Variants in ROBO1 observed in about 807,000 individuals in gnomAD.
ROBO1 encodes roundabout homolog 1.
Under a neutral mutation model 195.9 loss-of-function variants are expected in ROBO1, and 149 were observed. The observed-to-expected ratio is 0.76, with a 90% CI of 0.67 to 0.87. ROBO1 has a LOEUF of 0.87. Among genes scored for constraint, ROBO1 ranks in the 40% least tolerant of loss-of-function variants. The pLI is 0.00. For missense variants in ROBO1, 1,933 were observed against 2,068.3 expected, an observed-to-expected ratio of 0.93 and a Z score of 1.27; for synonymous variants, 816 against 733.2, an observed-to-expected ratio of 1.11 and a Z score of -1.82.
chr3:78,652,024 T>C, intron 18 of ROBO1, 95 bp from the exon 19 acceptor site: 2 of 987,350 alleles, frequency 2.0e-6, no homozygotes, highest in South Asian at 1.6e-5. Context: ...AATTTCTGGA[T>C]AATGATTTCT....
At chr3:79,502,241 G>C (rs966546368) in intron 2 of ROBO1, among the ~76,000 whole-genome samples, 1 of 152,170 alleles carries the variant, frequency 6.6e-6, no homozygotes, top group Non-Finnish European at 1.5e-5. Context: ...CCCTCAGCTT[G>C]CGGGGAGGTG....
At chr3:79,569,873 A>G (rs376953216) in intron 2 of ROBO1, among the ~76,000 whole-genome samples, 3 of 151,980 alleles carry the variant, frequency 2.0e-5, no homozygotes, top group East Asian at 3.9e-4. Context: ...CAAAGGAGAG[A>G]CGATCCCTTG....
chr3:79,763,862 T>C (rs964668991), intron 1 of ROBO1, among the ~76,000 whole-genome samples: 9 of 152,208 alleles, frequency 5.9e-5, no homozygotes, highest in South Asian at 2.1e-4. Context: ...TAAAAAATTA[T>C]GAGTACTAAA....
At chr3:78,838,876 C>T (rs1393936182) in intron 4 of ROBO1, among the ~76,000 whole-genome samples, 1 of 152,124 alleles carries the variant, frequency 6.6e-6, no homozygotes, top group African/African-American at 2.4e-5. Flanking sequence ...TCCCACACTC[C>T]CCAACATGGA....
Position 79,660,546 on chromosome 3 carries a change from A to T in ROBO1, c.-50-70585T>A, listed in dbSNP as rs114806202. On this transcript the variant is annotated intron_variant, in intron 1 of 30. Coordinates refer to ENST00000464233, the MANE Select transcript of ROBO1 (RefSeq NM_002941.4). ...CAAAGAGGAAACAATTTCACTAGGA[A>T]CCCAACAACTGTCCCTTTACATTAT... Among the ~76,000 whole-genome samples the T allele has an allele frequency of 2.4e-3, 361 of 152,202 alleles. 1 individual carries two copies. The highest frequency in any genetic ancestry group is 8.5e-3 in the African/African-American group (355 of 41,550).
intron 2 of ROBO1, among the ~76,000 whole-genome samples, chr3:79,482,591 T>C (rs1432220535): frequency 6.6e-6 from 1 of 152,116 alleles, no homozygotes; most frequent in Non-Finnish European, 1.5e-5. Context: ...GATTACCCAG[T>C]CTCTGGTATG....
chr3:79,251,821 G>A (rs183334451), intron 2 of ROBO1, among the ~76,000 whole-genome samples: 14 of 151,894 alleles, frequency 9.2e-5, no homozygotes, highest in Non-Finnish European at 1.2e-4. Context: ...ATGGTGGCGC[G>A]CATCTGTAAT....
rs533755244 is a variant in ROBO1 at position 79,457,641 on chromosome 3, C to T, written c.88+132183G>A. Among the ~76,000 whole-genome samples the T allele has an allele frequency of 3.3e-5, 5 of 152,188 alleles. No individual in the cohort carries two copies. The South Asian group carries it at 1.0e-3, about 32-fold the overall frequency. On this transcript the variant is annotated intron_variant, in intron 2 of 30. Coordinates refer to ENST00000464233, the MANE Select transcript of ROBO1 (RefSeq NM_002941.4). ...AACTGAATCATGGGGGCAGGTATTT[C>T]CCATGCTGCTGTCATGATCTTGAAT...
chr3:79,624,487 A>G (rs567627214), intron 1 of ROBO1, among the ~76,000 whole-genome samples: 1 of 152,308 alleles, frequency 6.6e-6, no homozygotes, highest in African/African-American at 2.4e-5. Context: ...TAGGCTCAAA[A>G]TAAAGGGATA....
intron 16 of ROBO1, 122 bp downstream of exon 16, chr3:78,660,908 T>C (rs935276278): frequency 4.1e-6 from 3 of 725,910 alleles, no homozygotes; most frequent in African/African-American, 1.8e-5. Context: ...AAAATGTATG[T>C]TCAATATCAA....
chr3:78,665,752 T>C (rs1257864904), intron 14 of ROBO1, among the ~76,000 whole-genome samples: 1 of 151,950 alleles, frequency 6.6e-6, no homozygotes, highest in East Asian at 1.9e-4. Flanking sequence ...ATTTTATAGG[T>C]GAGGAAACTC....
chr3:79,717,751 T>G (rs1265838489), intron 1 of ROBO1, among the ~76,000 whole-genome samples: 2 of 152,050 alleles, frequency 1.3e-5, no homozygotes, highest in African/African-American at 4.8e-5. Context: ...AGTGCTATTC[T>G]GAAAAACTTT....
intron 8 of ROBO1, among the ~76,000 whole-genome samples, chr3:78,692,269 T>C (rs908091514): frequency 6.6e-6 from 1 of 152,254 alleles, no homozygotes; most frequent in East Asian, 1.9e-4. Flanking sequence ...AACTTTTTGT[T>C]TTTTTCTCTT....
At chr3:79,121,971 C>A (rs921438591) in intron 3 of ROBO1, among the ~76,000 whole-genome samples, 1 of 151,892 alleles carries the variant, frequency 6.6e-6, no homozygotes, top group Non-Finnish European at 1.5e-5. Context: ...TGACAGAAAT[C>A]TATACATAAA....
chr3:79,523,156 A>G (rs1941278683), intron 2 of ROBO1, among the ~76,000 whole-genome samples: 1 of 124,954 alleles, frequency 8.0e-6, no homozygotes, highest in Admixed American at 7.8e-5. Flanking sequence ...AAGAGGCTTC[A>G]TAAACCACAC....
intron 1 of ROBO1, among the ~76,000 whole-genome samples, chr3:79,705,712 A>G (rs1947749765): frequency 6.6e-6 from 1 of 152,134 alleles, no homozygotes; most frequent in African/African-American, 2.4e-5. Flanking sequence ...GAATATCTAC[A>G]AAATAACTTG....
At chr3:78,699,414 A>AG (rs2081371347) in intron 8 of ROBO1, among the ~76,000 whole-genome samples, 1 of 148,150 alleles carries the variant, frequency 6.7e-6, no homozygotes. Flanking sequence ...AAAAAAAAAA[A>AG]AAAAATTAGC....
At chr3:78,804,805 C>T (rs1404129666) in intron 4 of ROBO1, among the ~76,000 whole-genome samples, 1 of 150,644 alleles carries the variant, frequency 6.6e-6, no homozygotes, top group Non-Finnish European at 1.5e-5. Flanking sequence ...ACAACTTTTC[C>T]TCTGGACAAG....
intron 2 of ROBO1, among the ~76,000 whole-genome samples, chr3:79,534,977 T>G (rs192355572): frequency 1.3e-5 from 2 of 152,288 alleles, no homozygotes; most frequent in East Asian, 1.9e-4. Context: ...CATGATCCAC[T>G]GCAGTGCTTG....
Sources: allele counts gnomAD v4.1 joint callset (sites outside exome capture counted in the v4.1 genomes callset), GRCh38; gene constraint gnomAD v4.1.1; transcripts MANE v1.5; gene names NCBI Gene and HGNC (gene_info 2026-07-23, HGNC 2026-07-21).